The following IRGM variants were observed in gnomAD, a reference collection of about 807,000 sequenced individuals.
IRGM encodes the protein immunity related GTPase M.
For missense variants in IRGM, 288 were observed against 219.9 expected, an observed-to-expected ratio of 1.31 and a Z score of -1.96; for synonymous variants, 98 against 80.6, an observed-to-expected ratio of 1.22 and a Z score of -1.16.
chr5:150,887,658 GAA>G lies in IRGM; in HGVS notation c.*140+8027_*140+8028del, dbSNP rs75460329. On this transcript the variant is annotated intron_variant and NMD_transcript_variant, in intron 3 of 3. Transcript: ENST00000520549. ...TTGTCAGGTTTTTCAAGGTCAAAAT[GAA>G]AAAAAAAAAAAAAAGACTGTTAAAG... Among the ~76,000 whole-genome samples the G allele has an allele frequency of 8.0e-3, 708 of 88,536 alleles. 11 individuals carry two copies. The highest frequency in any genetic ancestry group is 0.025 in the African/African-American group (664 of 26,686). 58.1% of individuals were successfully genotyped at this position (88,536 alleles called of 152,430 possible).
rs745625061 is a variant in IRGM, at chr5:150,896,479, G to T, written c.*141-4110G>T. 2.2e-5 allele frequency: 35 copies of T among 1,613,318 alleles called. No individual in the cohort carries two copies. In the Admixed American group the frequency reaches 5.8e-4, roughly 27 times the overall value. ...ACATTCTGATATTGAATAAGGGATT[G>T]TGTATTTCTAAAAACGTTTCCACAC... On this transcript the variant is annotated intron_variant and NMD_transcript_variant, in intron 3 of 3. Coordinates refer to the IRGM transcript ENST00000520549.
intron 3 of IRGM, among the ~76,000 whole-genome samples, chr5:150,892,259 T>G (rs1374700964): frequency 6.6e-6 from 1 of 151,874 alleles, no homozygotes; most frequent in African/African-American, 2.4e-5. Flanking sequence ...AGCATCTGCA[T>G]GCAAGCATCA....
In IRGM at chr5:150,884,618, T is replaced by A. The variant is rs556001839; in HGVS notation, c.*140+4972T>A. Among the ~76,000 whole-genome samples, 65 of 152,316 alleles carry A rather than the reference T, an allele frequency of 4.3e-4. 3 individuals are homozygous for A. The highest frequency in any genetic ancestry group is 3.4e-3 in the Middle Eastern group (1 of 294). On this transcript the variant is annotated intron_variant and NMD_transcript_variant, in intron 3 of 3. Transcript: ENST00000520549. ...GCTTTTTAGTAATAGCCATTTTAAC[T>A]GGTATGAGATGTTATCTCATTGTGG...
chr5:150,896,994 A>G, intron 3 of IRGM: 2 of 1,570,568 alleles, frequency 1.3e-6, no homozygotes, highest in South Asian at 2.3e-5. Context: ...AAAAGATACA[A>G]TTTAAGAGTC....
At chr5:150,895,840 A>C in intron 3 of IRGM, 1 of 1,613,678 alleles carries the variant, frequency 6.2e-7, no homozygotes, top group Non-Finnish European at 8.5e-7. Flanking sequence ...CATTCAGTAC[A>C]TTCATAAGGT....
At chr5:150,854,744 AT>A (rs1469730095) in intron 1 of IRGM, among the ~76,000 whole-genome samples, 13 of 152,224 alleles carry the variant, frequency 8.5e-5, no homozygotes, top group African/African-American at 3.1e-4. Flanking sequence ...TTAAGATTCT[AT>A]TAGTCTTTTA....
chr5:150,869,715 T>C (rs1238989765), intron 1 of IRGM, among the ~76,000 whole-genome samples: 1 of 152,180 alleles, frequency 6.6e-6, no homozygotes, highest in Non-Finnish European at 1.5e-5. Context: ...GAGGGTTGTA[T>C]GTTAATAACT....
intron 2 of IRGM, chr5:150,879,558 TCACATTCCCTACC>T (rs1425524565): frequency 6.6e-6 from 1 of 152,184 alleles, no homozygotes; most frequent in African/African-American, 2.4e-5. Flanking sequence ...TCCACAAGGC[TCACATTCCCTACC>T]CACTCTCTTG....
chr5:150,862,535 A>G (rs1016341338), intron 1 of IRGM, among the ~76,000 whole-genome samples: 4 of 152,194 alleles, frequency 2.6e-5, no homozygotes, highest in Admixed American at 6.5e-5. Flanking sequence ...TTGTGGGGGA[A>G]GTGATATGTG....
At chr5:150,863,663 A>C (rs1430796950) in intron 1 of IRGM, among the ~76,000 whole-genome samples, 1 of 152,156 alleles carries the variant, frequency 6.6e-6, no homozygotes, top group Non-Finnish European at 1.5e-5. Flanking sequence ...TTCATATTTA[A>C]TATTCCCAAC....
At chr5:150,878,083 G>T (rs763349964) in exon 2 of IRGM, 1 of 461,626 alleles carries the variant, frequency 2.2e-6, no homozygotes, top group Non-Finnish European at 4.3e-6. Flanking sequence ...GATCAGCTCC[G>T]CAAGCCCTAG....
At chr5:150,869,709 G>A (rs911151312) in intron 1 of IRGM, among the ~76,000 whole-genome samples, 1 of 152,056 alleles carries the variant, frequency 6.6e-6, no homozygotes, top group Admixed American at 6.6e-5. Context: ...ATCTGTGAGG[G>A]TTGTATGTTA....
At chr5:150,853,156 C>G (rs1018627982), downstream of IRGM, among the ~76,000 whole-genome samples, 1 of 151,980 alleles carries the variant, frequency 6.6e-6, no homozygotes, top group Non-Finnish European at 1.5e-5. Context: ...TTTCATTTGT[C>G]CTAAGGTTTT....
chr5:150,896,219 A>G lies in IRGM; in HGVS notation c.*141-4370A>G, dbSNP rs751110636. On this transcript the variant is annotated intron_variant and NMD_transcript_variant, in intron 3 of 3. Coordinates refer to the IRGM transcript ENST00000520549. ...CAGTGTGAACTCTCTGATGTATAAT[A>G]AGGGACGATTTCTGAGAGAAGGCTT... 14 of 1,613,450 alleles carry G rather than the reference A, an allele frequency of 8.7e-6. No homozygotes were observed. In the South Asian group the frequency reaches 1.5e-4, roughly 18 times the overall value.
chr5:150,848,403 A>G lies in IRGM; in HGVS notation c.280A>G (p.Thr94Ala). Residue 94 changes from threonine to alanine, a missense_variant, in exon 2 of 2, where the codon ACA (threonine) becomes GCA (alanine). By Grantham distance (58) the Thr-to-Ala change is moderately conservative (BLOSUM62 0). Transcript: ENST00000522154. ...TGTGGTGTTGTGGGACCTGCCTGGC[A>G]CAGGGTCTGCCACCACAACCCTGGA... is the stretch of plus-strand genomic sequence containing the variant. ...SNVVLWDLPG[T>A]GSATTTLENY... The G allele has an allele frequency of 1.3e-6, 2 of 1,551,868 alleles. No homozygotes were observed. Among genetic ancestry groups the G allele is most frequent in the Non-Finnish European group, 1.7e-6 (2 of 1,146,990 alleles).
intron 3 of IRGM, chr5:150,898,391 T>A: frequency 6.2e-7 from 1 of 1,613,288 alleles, no homozygotes; most frequent in Non-Finnish European, 8.5e-7. Context: ...GGCACTTGAT[T>A]GGACAACTCT....
At chr5:150,849,584 G>A (rs1365668683), downstream of IRGM, among the ~76,000 whole-genome samples, 1 of 149,888 alleles carries the variant, frequency 6.7e-6, no homozygotes, top group Non-Finnish European at 1.5e-5. Flanking sequence ...ATATATATGG[G>A]TGTAATTTTT....
intron 1 of IRGM, among the ~76,000 whole-genome samples, chr5:150,870,066 C>T (rs1283134456): frequency 3.9e-5 from 6 of 152,026 alleles, no homozygotes; most frequent in African/African-American, 1.5e-4. Flanking sequence ...AAAAATAATG[C>T]TAATATCTGG....
At chr5:150,899,129 C>CAAAT (rs1050689733) in intron 3 of IRGM, among the ~76,000 whole-genome samples, 6 of 152,008 alleles carry the variant, frequency 3.9e-5, no homozygotes, top group African/African-American at 1.4e-4. Context: ...AGGCATGAAA[C>CAAAT]AAATACATCC....
Sources: allele counts gnomAD v4.1 joint callset (sites outside exome capture counted in the v4.1 genomes callset), GRCh38; gene constraint gnomAD v4.1.1; transcripts MANE v1.5; gene names NCBI Gene and HGNC (gene_info 2026-07-23, HGNC 2026-07-21).